The following PTPRM variants were observed in gnomAD, a reference collection of about 807,000 sequenced individuals.
The protein encoded by PTPRM is protein tyrosine phosphatase receptor type M.
A neutral mutation model predicts 186.7 loss-of-function variants in PTPRM; 47 were observed. The ratio of observed to expected loss-of-function variants is 0.25; its 90% CI spans 0.20 to 0.32. The LOEUF (loss-of-function observed/expected upper bound fraction) is 0.32, where lower values mean the gene tolerates loss of function less well. Ranked by LOEUF, PTPRM falls within the 10% of genes least tolerant of loss-of-function variation. The pLI is 1.00. For synonymous variants in PTPRM, 668 were observed against 674.9 expected (o/e 0.99, Z 0.16); for missense variants, 1,494 against 1,865.0 (o/e 0.80, Z 3.66).
chr18:7,961,453 C>T lies in PTPRM; in HGVS notation c.1132+6039C>T, dbSNP rs79888835. 5.4e-3 allele frequency among the ~76,000 whole-genome samples: 820 copies of T among 152,304 alleles called. 7 individuals carry two copies. Among genetic ancestry groups the T allele is most frequent in the Non-Finnish European group, 3.3e-3 (227 of 68,030 alleles). On this transcript the variant is annotated intron_variant, in intron 7 of 32. Coordinates refer to ENST00000580170, the MANE Select transcript of PTPRM (RefSeq NM_001105244.2). Reference sequence around the variant, plus strand: ...ATCCATGTCATCACGTGTGCGATTGCACCTTTTTAATTATGCTGATAATTG... The same window carrying T: ...ATCCATGTCATCACGTGTGCGATTGTACCTTTTTAATTATGCTGATAATTG...
chr18:8,018,238 T>G (rs1293922099), intron 7 of PTPRM: 1 of 152,172 alleles, frequency 6.6e-6, no homozygotes, highest in Non-Finnish European at 1.5e-5. Flanking sequence ...GCCATGATTG[T>G]GCCTGTGAAT....
intron 2 of PTPRM, among the ~76,000 whole-genome samples, chr18:7,869,820 C>T (rs187974451): frequency 2.0e-5 from 3 of 152,226 alleles, no homozygotes; most frequent in Admixed American, 6.5e-5. Context: ...TTCTGTGGGG[C>T]GTGGATATCA....
chr18:8,216,402 A>T (rs1175534872), intron 14 of PTPRM, among the ~76,000 whole-genome samples: 2 of 152,232 alleles, frequency 1.3e-5, no homozygotes, highest in Non-Finnish European at 2.9e-5. Context: ...TCAATTCTAG[A>T]ACCACAGTCT....
At chr18:7,827,969 G>C (rs1001326259) in intron 2 of PTPRM, among the ~76,000 whole-genome samples, 12 of 152,202 alleles carry the variant, frequency 7.9e-5, no homozygotes, top group African/African-American at 2.7e-4. Context: ...ACCACAGGCG[G>C]TTCATCATCT....
intron 2 of PTPRM, among the ~76,000 whole-genome samples, chr18:7,847,172 CTT>C (rs5822985): frequency 7.3e-6 from 1 of 136,670 alleles, no homozygotes; most frequent in Non-Finnish European, 1.6e-5. Context: ...ACAAATCTGG[CTT>C]TTTTTTTTTT....
intron 11 of PTPRM, among the ~76,000 whole-genome samples, chr18:8,091,246 T>A (rs143531928): frequency 1.2e-4 from 18 of 152,282 alleles, no homozygotes; most frequent in African/African-American, 4.3e-4. Flanking sequence ...ACAGTTGTCA[T>A]AACATCCCGG....
In PTPRM at chr18:8,076,449, C is replaced by T; in HGVS notation, c.1442-6C>T. 6.5e-7 allele frequency: 1 copy of T among 1,533,066 alleles called. No individual in the cohort carries two copies. Among genetic ancestry groups the T allele is most frequent in the Non-Finnish European group, 9.0e-7 (1 of 1,111,152 alleles). 95.0% of individuals were successfully genotyped at this position (1,533,066 alleles called of 1,614,324 possible). On this transcript the variant is annotated splice_polypyrimidine_tract_variant and splice_region_variant and intron_variant, in intron 8 of 32. Coordinates refer to ENST00000580170, the MANE Select transcript of PTPRM (RefSeq NM_001105244.2). ...TAAACATTTATTTCCTCCCACCCTC[C>T]TTTAGTCCCAGGTGCTGTTCCCACT...
At position 7,695,156 on chromosome 18, in the gene PTPRM, T is replaced by C. The variant is rs76291045; in HGVS notation, c.74-78993T>C. Among the ~76,000 whole-genome samples, 3 of 152,204 alleles carry C rather than the reference T, an allele frequency of 2.0e-5. No homozygotes were observed. The East Asian group carries it at 5.8e-4, about 29-fold the overall frequency. On this transcript the variant is annotated intron_variant, in intron 1 of 32. Coordinates refer to ENST00000580170, the MANE Select transcript of PTPRM (RefSeq NM_001105244.2). ...CCCCATGCCGCTGTTTTCTAACGTCTCCTGTAAGTGGTGCTTCGGCTCGTA... is the reference window on the plus strand; with the variant it reads ...CCCCATGCCGCTGTTTTCTAACGTCCCCTGTAAGTGGTGCTTCGGCTCGTA...
At chr18:8,355,399 C>G (rs1484021464) in intron 23 of PTPRM, among the ~76,000 whole-genome samples, 4 of 152,048 alleles carry the variant, frequency 2.6e-5, no homozygotes, top group Admixed American at 6.6e-5. Context: ...CAGAGGCAAC[C>G]ACAGGACCCT....
chr18:8,027,089 G>A (rs533692401), intron 7 of PTPRM, among the ~76,000 whole-genome samples: 11 of 152,122 alleles, frequency 7.2e-5, no homozygotes, highest in African/African-American at 2.7e-4. Context: ...ATATTCTTCT[G>A]TATTGTGTGT....
chr18:7,946,995 A>G, intron 5 of PTPRM: 1 of 456,212 alleles, frequency 2.2e-6, no homozygotes, highest in South Asian at 1.5e-5. Context: ...TTACAGCAGC[A>G]CTGAACATAT....
chr18:8,070,351 A>G (rs1032863003), intron 8 of PTPRM, among the ~76,000 whole-genome samples: 2 of 152,124 alleles, frequency 1.3e-5, no homozygotes, highest in Non-Finnish European at 2.9e-5. Flanking sequence ...GTATTAGATT[A>G]TTTATATAAA....
chr18:7,833,514 A>G (rs1004695820), intron 2 of PTPRM, among the ~76,000 whole-genome samples: 3 of 152,180 alleles, frequency 2.0e-5, no homozygotes, highest in Non-Finnish European at 4.4e-5. Flanking sequence ...TGGGCAGATC[A>G]CCTGAGGTCA....
At chr18:7,788,581 AC>A (rs2043195593) in intron 2 of PTPRM, among the ~76,000 whole-genome samples, 1 of 151,814 alleles carries the variant, frequency 6.6e-6, no homozygotes, top group Non-Finnish European at 1.5e-5. Flanking sequence ...AATAATTCCA[AC>A]CCCTTTTATG....
intron 31 of PTPRM, among the ~76,000 whole-genome samples, chr18:8,392,809 G>C (rs1041905797): frequency 3.9e-5 from 6 of 152,126 alleles, no homozygotes; most frequent in Non-Finnish European, 7.4e-5. Context: ...GCCAAAGCTG[G>C]AACAATGTGA....
At chr18:8,205,443 A>C (rs1261056946) in intron 14 of PTPRM, among the ~76,000 whole-genome samples, 1 of 152,170 alleles carries the variant, frequency 6.6e-6, no homozygotes, top group Non-Finnish European at 1.5e-5. Flanking sequence ...AATAAACTAC[A>C]CTGAGTCCTT....
rs370746043 is a variant in PTPRM at position 7,842,947 on chromosome 18, T to TATAGAGAGAGAGAG, written c.197-45158_197-45157insTAGAGAGAGAGAGA. ...GTGTGTGTGTATATATATATATATA[T>TATAGAGAGAGAGAG]AGAGAGAGAGAGAGAGAGAGAGAGA... On this transcript the variant is annotated intron_variant, in intron 2 of 32. Transcript: ENST00000580170. 2.6e-4 allele frequency among the ~76,000 whole-genome samples: 29 copies of TATAGAGAGAGAGAG among 112,106 alleles called. No homozygotes were observed. In the East Asian group the frequency reaches 4.1e-3, roughly 16 times the overall value. The allele number at this position is 112,106 out of a possible 152,430, so 73.5% of individuals were successfully genotyped here. A position where few individuals can be genotyped will look rare whatever the true frequency, so the allele number is the denominator to read the frequency against.
At chr18:8,095,079 C>G (rs2090947729) in intron 11 of PTPRM, among the ~76,000 whole-genome samples, 1 of 152,020 alleles carries the variant, frequency 6.6e-6, no homozygotes, top group African/African-American at 2.4e-5. Context: ...CAAGGTGGTG[C>G]TAAGCATTGG....
At chr18:7,741,098 G>A (rs534289216) in intron 1 of PTPRM, among the ~76,000 whole-genome samples, 1 of 152,218 alleles carries the variant, frequency 6.6e-6, no homozygotes, top group Admixed American at 6.5e-5. Flanking sequence ...TCTGTGTACT[G>A]GAGCAAGTAC....
Sources: allele counts gnomAD v4.1 joint callset (sites outside exome capture counted in the v4.1 genomes callset), GRCh38; gene constraint gnomAD v4.1.1; transcripts MANE v1.5; gene names NCBI Gene and HGNC (gene_info 2026-07-23, HGNC 2026-07-21).